Variants in RBFOX1 observed in about 807,000 individuals in gnomAD.
The protein encoded by RBFOX1 is RNA binding fox-1 homolog 1, also known as RNA binding protein fox-1 homolog 1.
A neutral mutation model predicts 57.7 loss-of-function variants in RBFOX1; 8 were observed. The observed-to-expected ratio is 0.14, with a 90% CI of 0.08 to 0.25. The LOEUF (loss-of-function observed/expected upper bound fraction) is 0.25, where lower values mean the gene tolerates loss of function less well. Among genes scored for constraint, RBFOX1 ranks in the 10% least tolerant of loss-of-function variants. The probability of loss-of-function intolerance (pLI) is 1.00; values close to 1 mark genes in which losing one functional copy is unlikely to be tolerated. For synonymous variants in RBFOX1, 326 were observed against 222.4 expected, an observed-to-expected ratio of 1.47 and a Z score of -4.15; for missense variants, 611 against 548.5, an observed-to-expected ratio of 1.11 and a Z score of -1.14.
Position 6,710,446 on chromosome 16 carries a change from T to C in RBFOX1, c.-16+55796T>C, listed in dbSNP as rs75876202. 1.3e-3 allele frequency among the ~76,000 whole-genome samples: 199 copies of C among 152,342 alleles called. 1 individual carries two copies. Among genetic ancestry groups the C allele is most frequent in the African/African-American group, 4.5e-3 (186 of 41,586 alleles). On this transcript the variant is annotated intron_variant, in intron 3 of 15. Coordinates refer to ENST00000550418, the MANE Select transcript of RBFOX1 (RefSeq NM_018723.4). The stretch of plus-strand genomic sequence containing the variant: ...TTTTACATTCTTTTTTTCATCCTAA[T>C]TTTTTGGAATTTATTGTGCGTTTCA...
At chr16:5,945,048 T>G (rs997208670) in intron 4 of RBFOX1, among the ~76,000 whole-genome samples, 1 of 150,936 alleles carries the variant, frequency 6.6e-6, no homozygotes, top group Non-Finnish European at 1.5e-5. Flanking sequence ...CTGGGCTTCT[T>G]CTGGAGGGAG....
Position 5,975,496 on chromosome 16 carries a change from T to A in RBFOX1, c.351+108161T>A, listed in dbSNP as rs1215723630. Reference sequence around the variant, plus strand: ...GTTGGGTTGTATACTTATGGTTTAGTATTGCTTGGCATTTGAAACTTTAGG... The same window carrying A: ...GTTGGGTTGTATACTTATGGTTTAGAATTGCTTGGCATTTGAAACTTTAGG... On this transcript the variant is annotated intron_variant, in intron 4 of 19. Transcript: ENST00000641259. 2.6e-5 allele frequency among the ~76,000 whole-genome samples: 4 copies of A among 152,244 alleles called. No individual in the cohort carries two copies. The South Asian group carries it at 8.3e-4, about 31-fold the overall frequency.
chr16:6,157,558 T>C (rs2096847172), intron 1 of RBFOX1, among the ~76,000 whole-genome samples: 1 of 152,188 alleles, frequency 6.6e-6, no homozygotes, highest in Admixed American at 6.5e-5. Flanking sequence ...CTTCCTATTT[T>C]TGGACTCTTA....
At chr16:7,410,401 G>C (rs2098411829) in intron 4 of RBFOX1, among the ~76,000 whole-genome samples, 1 of 152,240 alleles carries the variant, frequency 6.6e-6, no homozygotes, top group African/African-American at 2.4e-5. Flanking sequence ...TGCAGCCTCG[G>C]CTGAGCGTGA....
chr16:6,684,921 A>G (rs1283071522), intron 3 of RBFOX1, among the ~76,000 whole-genome samples: 1 of 152,188 alleles, frequency 6.6e-6, no homozygotes, highest in Non-Finnish European at 1.5e-5. Flanking sequence ...CATACTTTAT[A>G]CATTTTCTGG....
chr16:7,023,769 A>C (rs1209341838), intron 3 of RBFOX1, among the ~76,000 whole-genome samples: 1 of 152,036 alleles, frequency 6.6e-6, no homozygotes, highest in African/African-American at 2.4e-5. Context: ...TTTTCCACTT[A>C]GCTCAAATAC....
intron 2 of RBFOX1, among the ~76,000 whole-genome samples, chr16:6,398,290 A>G (rs9931078): frequency 0.47 from 70,982 of 151,942 alleles, 17,629 homozygotes; most frequent in African/African-American, 0.64. Flanking sequence ...TAGCCAAAGC[A>G]TATCATTCTG....
intron 3 of RBFOX1, among the ~76,000 whole-genome samples, chr16:5,861,690 A>G (rs998754855): frequency 2.0e-5 from 3 of 152,174 alleles, no homozygotes; most frequent in Non-Finnish European, 4.4e-5. Context: ...GCATTTGGAC[A>G]TCTTTCATAC....
At chr16:5,861,319 G>C (rs2057208312) in intron 3 of RBFOX1, among the ~76,000 whole-genome samples, 1 of 152,188 alleles carries the variant, frequency 6.6e-6, no homozygotes, top group Non-Finnish European at 1.5e-5. Context: ...CTGAGCTCTA[G>C]ACAATTGAAT....
intron 2 of RBFOX1, among the ~76,000 whole-genome samples, chr16:6,560,160 C>T (rs868415921): frequency 1.1e-4 from 14 of 124,570 alleles, no homozygotes; most frequent in Non-Finnish European, 1.4e-4. Context: ...GTAATCAATT[C>T]GTTTGCCATT....
chr16:6,829,902 C>T (rs1023922174), intron 3 of RBFOX1, among the ~76,000 whole-genome samples: 5 of 148,060 alleles, frequency 3.4e-5, no homozygotes, highest in African/African-American at 1.3e-4. Context: ...ATGCCCAGCC[C>T]TTTATTTTTA....
At chr16:6,695,957 A>C (rs72636205) in intron 3 of RBFOX1, among the ~76,000 whole-genome samples, 2 of 152,310 alleles carry the variant, frequency 1.3e-5, no homozygotes, top group Non-Finnish European at 2.9e-5. Context: ...CCACATTGCA[A>C]TAAGCTTTTA....
chr16:7,425,171 G>A (rs2098598323), intron 4 of RBFOX1, among the ~76,000 whole-genome samples: 2 of 152,114 alleles, frequency 1.3e-5, no homozygotes, highest in African/African-American at 4.8e-5. Flanking sequence ...TGAAAATTAT[G>A]TTTTGAAGTG....
intron 2 of RBFOX1, among the ~76,000 whole-genome samples, chr16:6,576,204 C>T (rs2097433242): frequency 6.6e-6 from 1 of 152,108 alleles, no homozygotes; most frequent in Admixed American, 6.5e-5. Context: ...TTCAGGCTTT[C>T]GAGTGGGTGG....
intron 4 of RBFOX1, among the ~76,000 whole-genome samples, chr16:7,149,425 G>GTCTT (rs1351205493): frequency 6.6e-6 from 1 of 150,682 alleles, no homozygotes; most frequent in Admixed American, 6.6e-5. Flanking sequence ...TAAGACCACT[G>GTCTT]TCTTTCATGG....
At chr16:7,278,965 T>C (rs2095491746) in intron 4 of RBFOX1, among the ~76,000 whole-genome samples, 1 of 152,180 alleles carries the variant, frequency 6.6e-6, no homozygotes, top group Admixed American at 6.5e-5. Context: ...TTTTTTTTCC[T>C]TCTTAAAAAA....
chr16:6,980,688 C>T (rs539477236), intron 3 of RBFOX1, among the ~76,000 whole-genome samples: 10 of 152,124 alleles, frequency 6.6e-5, no homozygotes, highest in South Asian at 2.1e-4. Context: ...CTGACTCTCC[C>T]GGAGATAATT....
intron 3 of RBFOX1, among the ~76,000 whole-genome samples, chr16:7,022,859 T>A: frequency 6.6e-6 from 1 of 152,196 alleles, no homozygotes; most frequent in East Asian, 1.9e-4. Context: ...TTTGAACAAC[T>A]GCCTCCAATG....
chr16:6,505,461 C>A (rs1307801462), intron 2 of RBFOX1, among the ~76,000 whole-genome samples: 1 of 151,990 alleles, frequency 6.6e-6, no homozygotes, highest in African/African-American at 2.4e-5. Flanking sequence ...TTTGGAAATC[C>A]CAAATAAAAT....
Sources: allele counts gnomAD v4.1 joint callset (sites outside exome capture counted in the v4.1 genomes callset), GRCh38; gene constraint gnomAD v4.1.1; transcripts MANE v1.5; gene names NCBI Gene and HGNC (gene_info 2026-07-23, HGNC 2026-07-21).